PHACTR3: variants seen among roughly 807,000 people sequenced by gnomAD.
PHACTR3 encodes phosphatase and actin regulator 3, also known as protein phosphatase 1, regulatory subunit 123.
Under a neutral mutation model 66.8 loss-of-function variants are expected in PHACTR3, and 16 were observed. The ratio of observed to expected loss-of-function variants is 0.24; its 90% confidence interval spans 0.16 to 0.36. The LOEUF is 0.36. Ranked by LOEUF, PHACTR3 falls within the 10% of genes least tolerant of loss-of-function variation. PHACTR3 has a pLI of 1.00. For synonymous variants in PHACTR3, 323 were observed against 292.1 expected, an observed-to-expected ratio of 1.11 and a Z score of -1.08; for missense variants, 647 against 719.9, an observed-to-expected ratio of 0.90 and a Z score of 1.16.
At chr20:59,682,940 G>T (rs816100) in intron 1 of PHACTR3, among the ~76,000 whole-genome samples, 40,293 of 151,976 alleles carry the variant, frequency 0.27, 6,114 homozygotes, top group East Asian at 0.72. Flanking sequence ...ACATTGGAGG[G>T]TTTGAGATTT....
In PHACTR3 at chr20:59,826,234, C is replaced by T. The variant is rs574547949; in HGVS notation, c.1329-10271C>T. On this transcript the variant is annotated intron_variant, in intron 8 of 12. Transcript: ENST00000371015. Reference sequence around the variant, plus strand: ...GGGGTGCTCAGGGGCTTCGAGGAGGCTGGAGCTCTGCTCCTCAGCAGGTTG... The same window carrying T: ...GGGGTGCTCAGGGGCTTCGAGGAGGTTGGAGCTCTGCTCCTCAGCAGGTTG... Among the ~76,000 whole-genome samples the T allele has an allele frequency of 4.0e-4, 61 of 152,222 alleles. 1 individual carries two copies. Among genetic ancestry groups the T allele is most frequent in the African/African-American group, 1.3e-3 (54 of 41,530 alleles).
intron 8 of PHACTR3, among the ~76,000 whole-genome samples, chr20:59,812,310 G>T (rs1377863243): frequency 1.3e-5 from 2 of 152,196 alleles, no homozygotes; most frequent in African/African-American, 4.8e-5. Flanking sequence ...TCAGGAGGGG[G>T]CACTTAGCAT....
chr20:59,634,404 G>A (rs1415579616), intron 1 of PHACTR3, among the ~76,000 whole-genome samples: 2 of 152,172 alleles, frequency 1.3e-5, no homozygotes, highest in Non-Finnish European at 2.9e-5. Context: ...GAAAATGCAG[G>A]TAAAACACTT....
intron 7 of PHACTR3, among the ~76,000 whole-genome samples, chr20:59,785,003 G>C (rs547907041): frequency 7.9e-5 from 11 of 140,086 alleles, no homozygotes; most frequent in African/African-American, 2.8e-4. Flanking sequence ...AGGGCCCCAG[G>C]ACTTTCCGAG....
chr20:59,805,864 G>A (rs1358670477), intron 7 of PHACTR3, among the ~76,000 whole-genome samples, 177 bp from the exon 8 acceptor site: 2 of 152,226 alleles, frequency 1.3e-5, no homozygotes, highest in African/African-American at 2.4e-5. Flanking sequence ...GTTGCCCACT[G>A]TTCCACTGGA....
chr20:59,667,243 G>A (rs1166384771), intron 1 of PHACTR3, among the ~76,000 whole-genome samples: 3 of 152,242 alleles, frequency 2.0e-5, no homozygotes, highest in Admixed American at 6.5e-5. Flanking sequence ...AACATCAGAA[G>A]TAAAAGTAAA....
chr20:59,802,137 CT>C lies in PHACTR3; in HGVS notation c.1175-3903del, dbSNP rs1211570279. The stretch of plus-strand genomic sequence containing the variant: ...TTTGGACGTGCTAAGTTTGGGATGC[CT>C]GCTAGAGATCTGGGGGAAGCATGGT... On this transcript the variant is annotated intron_variant, in intron 7 of 12. Transcript: ENST00000371015. Among the ~76,000 whole-genome samples, 9 of 152,246 alleles carry C rather than the reference CT, an allele frequency of 5.9e-5. No individual in the cohort carries two copies. The East Asian group carries it at 1.7e-3, about 29-fold the overall frequency.
intron 7 of PHACTR3, among the ~76,000 whole-genome samples, chr20:59,782,224 T>G (rs1285923874): frequency 6.6e-6 from 1 of 152,156 alleles, no homozygotes; most frequent in Non-Finnish European, 1.5e-5. Context: ...AAGAGGTGGT[T>G]GTTTTTTTCA....
At chr20:59,783,257 G>A (rs575178315) in intron 7 of PHACTR3, among the ~76,000 whole-genome samples, 43 of 152,248 alleles carry the variant, frequency 2.8e-4, no homozygotes, top group Admixed American at 1.1e-3. Context: ...GGAGATGCTC[G>A]CTGGGATGCA....
intron 7 of PHACTR3, among the ~76,000 whole-genome samples, chr20:59,802,475 G>C (rs931876402): frequency 1.3e-5 from 2 of 152,198 alleles, no homozygotes; most frequent in African/African-American, 4.8e-5. Context: ...GTGACCGATG[G>C]TGTCCATGCT....
chr20:59,668,830 A>G (rs2036089432), intron 1 of PHACTR3, among the ~76,000 whole-genome samples: 2 of 151,760 alleles, frequency 1.3e-5, no homozygotes, highest in Admixed American at 6.6e-5. Context: ...CCTCCCAAGT[A>G]GCTGGAACTA....
At chr20:59,617,182 G>T (rs1439994513) in intron 1 of PHACTR3, among the ~76,000 whole-genome samples, 1 of 152,144 alleles carries the variant, frequency 6.6e-6, no homozygotes, top group Non-Finnish European at 1.5e-5. Flanking sequence ...GGTAAATATT[G>T]ATTGACTCTT....
intron 1 of PHACTR3, among the ~76,000 whole-genome samples, chr20:59,634,931 C>T (rs2034795870): frequency 6.6e-6 from 1 of 152,108 alleles, no homozygotes. Context: ...CCACATCGGG[C>T]AGTGCAGTGA....
At chr20:59,631,586 T>C (rs2034666626) in intron 1 of PHACTR3, among the ~76,000 whole-genome samples, 1 of 152,008 alleles carries the variant, frequency 6.6e-6, no homozygotes, top group Non-Finnish European at 1.5e-5. Flanking sequence ...CTAGGGATGT[T>C]TAAAAACAAC....
At chr20:59,767,512 A>T (rs1225287578) in intron 5 of PHACTR3, 117 bp downstream of exon 5, 1 of 1,185,474 alleles carries the variant, frequency 8.4e-7, no homozygotes, top group Admixed American at 2.1e-5. Context: ...TCACTCATCC[A>T]TCCATCCATA....
chr20:59,649,843 G>T lies in PHACTR3; in HGVS notation c.118+44711G>T, dbSNP rs377472790. On this transcript the variant is annotated intron_variant, in intron 1 of 12. Transcript: ENST00000371015. ...TAAGACCTCATAATGTGGTTTTAAA[G>T]GTTCCTGTTTTTTGCCCTGAAGGTC... 1.4e-3 allele frequency among the ~76,000 whole-genome samples: 212 copies of T among 152,134 alleles called. 1 individual carries two copies. The highest frequency in any genetic ancestry group is 4.8e-3 in the African/African-American group (200 of 41,510).
intron 1 of PHACTR3, among the ~76,000 whole-genome samples, chr20:59,698,480 T>C (rs138598117): frequency 4.6e-5 from 7 of 152,264 alleles, no homozygotes; most frequent in South Asian, 2.1e-4. Context: ...TTATATATTA[T>C]AATAGTTATA....
At chr20:59,703,117 A>C (rs2037567107) in intron 1 of PHACTR3, among the ~76,000 whole-genome samples, 1 of 152,212 alleles carries the variant, frequency 6.6e-6, no homozygotes, top group African/African-American at 2.4e-5. Context: ...TAAGCATCAT[A>C]AATATGTTAG....
chr20:59,594,740 T>C (rs2033275751), intron 1 of PHACTR3, among the ~76,000 whole-genome samples: 1 of 152,220 alleles, frequency 6.6e-6, no homozygotes, highest in African/African-American at 2.4e-5. Context: ...AAGTACCAGC[T>C]TTTGGTTTCA....
Sources: gnomAD v4.1 joint callset for allele counts (sites outside exome capture counted in the v4.1 genomes callset) on GRCh38, gnomAD v4.1.1 for gene constraint, MANE v1.5 for transcripts, NCBI Gene and HGNC (gene_info 2026-07-23, HGNC 2026-07-21) for gene names.